COL27A1: variants seen among roughly 807,000 people sequenced by gnomAD.
COL27A1 encodes the protein collagen alpha-1(XXVII) chain.
In COL27A1, 106 loss-of-function variants were observed where a neutral mutation model predicts 251.3. The observed-to-expected ratio is 0.42, with a 90% CI of 0.36 to 0.50. The LOEUF is 0.50. Among genes scored for constraint, COL27A1 ranks in the 20% least tolerant of loss-of-function variants. The pLI is 0.00. For missense variants in COL27A1, 2,325 were observed against 2,522.8 expected (o/e 0.92, Z 1.68); for synonymous variants, 1,000 against 986.3 (o/e 1.01, Z -0.26).
chr9:114,275,972 C>G (rs991954254), intron 37 of COL27A1, among the ~76,000 whole-genome samples: 2 of 152,236 alleles, frequency 1.3e-5, no homozygotes, highest in South Asian at 4.1e-4. Context: ...TACTCATCCT[C>G]CTGGCTGCCC....
At chr9:114,237,594 G>T in intron 18 of COL27A1, 68 bp from the exon 19 acceptor site, 1 of 1,299,346 alleles carries the variant, frequency 7.7e-7, no homozygotes, top group Non-Finnish European at 1.1e-6. Flanking sequence ...ACCAGCGGGG[G>T]AACGCAGGGG....
intron 12 of COL27A1, 49 bp downstream of exon 12, chr9:114,211,075 C>T (rs779939729): frequency 1.9e-6 from 3 of 1,589,944 alleles, no homozygotes; most frequent in African/African-American, 1.3e-5. Flanking sequence ...GGAACCCCAC[C>T]TCCCACGGCC....
At chr9:114,284,870 A>G (rs919447514) in intron 41 of COL27A1, 93 bp downstream of exon 41, 1 of 1,402,778 alleles carries the variant, frequency 7.1e-7, no homozygotes, top group Non-Finnish European at 1.0e-6. Context: ...TGGGGTACCC[A>G]TGGCTGGAGA....
Position 114,290,145 on chromosome 9 carries a change from TC to T in COL27A1, c.4260+37del, listed in dbSNP as rs759069828. On this transcript the variant is annotated intron_variant, in intron 46 of 60. Coordinates refer to ENST00000356083, the MANE Select transcript of COL27A1 (RefSeq NM_032888.4). This position sits in a 1 kb window ranked among gnomAD's most constrained non-coding sequence, Gnocchi z 4.6. ...CTACAGCTGCTGTTTCCAGCCAACC[TC>T]CCTGCCCGCCCCCCACACCCGCCCT... 6.2e-7 allele frequency: 1 copy of T among 1,607,564 alleles called. No homozygotes were observed. Among genetic ancestry groups the T allele is most frequent in the East Asian group, 2.2e-5 (1 of 44,690 alleles).
At chr9:114,185,028 GC>G (rs2135188300) in intron 5 of COL27A1, among the ~76,000 whole-genome samples, 1 of 152,232 alleles carries the variant, frequency 6.6e-6, no homozygotes, top group Admixed American at 6.5e-5. Context: ...CCTTCTGCTG[GC>G]CCTGCTCAGA....
chr9:114,237,153 G>A (rs1832455817), intron 18 of COL27A1, 119 bp downstream of exon 18: 3 of 947,952 alleles, frequency 3.2e-6, no homozygotes, highest in Admixed American at 5.7e-5. Context: ...GCTCCTGGGG[G>A]CAAGCAGGGC....
rs146589272 is a variant in COL27A1, at chr9:114,167,963, C to A, written c.408C>A (p.Val136=). Residue 136 remains valine, a synonymous_variant, in exon 3 of 61, where the codon GTC becomes GTA. Coordinates refer to ENST00000356083, the MANE Select transcript of COL27A1 (RefSeq NM_032888.4). ...TGCAGTTCCTCCCCGGCAAGACGGT[C>A]GTCCACCTCGGGTCCCGGCGCTCAG... ...LGLQFLPGKT[V]VHLGSRRSVA... is the part of the protein sequence containing the mutation. The A allele has an allele frequency of 1.7e-5, 28 of 1,607,078 alleles. No homozygotes were observed. In the South Asian group the frequency reaches 2.9e-4, roughly 16 times the overall value.
intron 28 of COL27A1, among the ~76,000 whole-genome samples, chr9:114,262,847 T>G (rs1182433420): frequency 6.6e-6 from 1 of 152,012 alleles, no homozygotes; most frequent in Non-Finnish European, 1.5e-5. Context: ...AAGGCTGCGG[T>G]GTGGGATTGA....
chr9:114,188,181 C>T (rs925067996), intron 5 of COL27A1, among the ~76,000 whole-genome samples: 2 of 152,234 alleles, frequency 1.3e-5, no homozygotes, highest in African/African-American at 2.4e-5. Flanking sequence ...ATTCTGCAGT[C>T]ATATTTATGC....
At chr9:114,209,942 C>T (rs963820135) in intron 11 of COL27A1, among the ~76,000 whole-genome samples, 1 of 152,136 alleles carries the variant, frequency 6.6e-6, no homozygotes, top group African/African-American at 2.4e-5. Context: ...GGTAACTTGG[C>T]GAGTTTAACA....
intron 4 of COL27A1, among the ~76,000 whole-genome samples, chr9:114,179,168 G>T (rs1273083030): frequency 6.6e-6 from 1 of 152,184 alleles, no homozygotes; most frequent in African/African-American, 2.4e-5. Flanking sequence ...AGAGGTAGCT[G>T]CCTGGGGCAT....
At chr9:114,246,622 T>A (rs981988036) in intron 24 of COL27A1, among the ~76,000 whole-genome samples, 9 of 152,090 alleles carry the variant, frequency 5.9e-5, no homozygotes, top group African/African-American at 2.2e-4. Flanking sequence ...GCTTCCTCAA[T>A]CCGGAAGGAC....
chr9:114,222,208 T>A lies in COL27A1; in HGVS notation c.2422-15T>A. 1 of 1,613,132 alleles carries A rather than the reference T, an allele frequency of 6.2e-7. No individual in the cohort carries two copies. Among genetic ancestry groups the A allele is most frequent in the Non-Finnish European group, 8.5e-7 (1 of 1,179,198 alleles). On this transcript the variant is annotated splice_polypyrimidine_tract_variant and intron_variant, in intron 13 of 60. Coordinates refer to ENST00000356083, the MANE Select transcript of COL27A1 (RefSeq NM_032888.4). ...GATGGGACAAGTAACCACCTTGGTC[T>A]CTCTCTATCTGCAGGGAGAACTGGG...
chr9:114,180,859 C>A (rs1588602331), intron 4 of COL27A1, among the ~76,000 whole-genome samples: 2 of 152,092 alleles, frequency 1.3e-5, no homozygotes, highest in East Asian at 3.9e-4. Flanking sequence ...AACAGGAAGC[C>A]CCCACCTTCA....
chr9:114,302,839 A>G (rs1289160676), intron 56 of COL27A1, among the ~76,000 whole-genome samples: 3 of 151,740 alleles, frequency 2.0e-5, no homozygotes, highest in Admixed American at 6.6e-5. Flanking sequence ...CCCAAGCCCT[A>G]TGACGAGTCC....
intron 39 of COL27A1, among the ~76,000 whole-genome samples, chr9:114,283,486 C>T (rs140137695): frequency 8.5e-5 from 13 of 152,282 alleles, no homozygotes; most frequent in Admixed American, 5.2e-4. Flanking sequence ...TCAGCTGTCT[C>T]GAACCCCTGG....
intron 43 of COL27A1, 58 bp from the exon 44 acceptor site, chr9:114,288,856 C>A: frequency 6.2e-7 from 1 of 1,608,218 alleles, no homozygotes; most frequent in Non-Finnish European, 8.5e-7. Context: ...GGCTTCTGTG[C>A]TGCCTCCCAG....
intron 12 of COL27A1, among the ~76,000 whole-genome samples, chr9:114,219,348 A>T (rs969652198): frequency 6.6e-6 from 1 of 152,166 alleles, no homozygotes; most frequent in Non-Finnish European, 1.5e-5. Context: ...TCATGAGTTC[A>T]CTGGGTGGCT....
chr9:114,190,981 G>A (rs553147492), intron 5 of COL27A1, among the ~76,000 whole-genome samples: 1 of 152,306 alleles, frequency 6.6e-6, no homozygotes, highest in South Asian at 2.1e-4. Flanking sequence ...CATATAGTGT[G>A]CTCTATCCCA....
Sources: allele counts gnomAD v4.1 joint callset (sites outside exome capture counted in the v4.1 genomes callset), GRCh38; gene constraint gnomAD v4.1.1; non-coding constraint Gnocchi (gnomAD v3.1); transcripts MANE v1.5; gene names NCBI Gene and HGNC (gene_info 2026-07-23, HGNC 2026-07-21).